The following ERBB4 variants were observed in gnomAD, a reference collection of about 807,000 sequenced individuals.
The protein encoded by ERBB4 is receptor tyrosine-protein kinase erbB-4.
A neutral mutation model predicts 158.0 loss-of-function variants in ERBB4; 42 were observed. The observed-to-expected ratio is 0.27, with a 90% CI of 0.21 to 0.34. ERBB4 has a LOEUF of 0.34. Among genes scored for constraint, ERBB4 ranks in the 10% least tolerant of loss-of-function variants. The pLI, the probability that ERBB4 is intolerant of heterozygous loss-of-function variation, is 1.00. For synonymous variants in ERBB4, 583 were observed against 558.7 expected (o/e 1.04, Z -0.61); for missense variants, 1,333 against 1,624.1 (o/e 0.82, Z 3.08).
At chr2:212,063,662 T>A (rs1244393048) in intron 2 of ERBB4, among the ~76,000 whole-genome samples, 1 of 152,078 alleles carries the variant, frequency 6.6e-6, no homozygotes, top group African/African-American at 2.4e-5. Flanking sequence ...AATTTAGGGA[T>A]GGCAAAAACA....
At chr2:212,028,184 G>C (rs1290778308) in intron 2 of ERBB4, among the ~76,000 whole-genome samples, 1 of 152,024 alleles carries the variant, frequency 6.6e-6, no homozygotes, top group Non-Finnish European at 1.5e-5. Flanking sequence ...CACATCAGTA[G>C]AAAAGTACAA....
intron 20 of ERBB4, among the ~76,000 whole-genome samples, chr2:211,493,993 A>G (rs759165775): frequency 3.3e-4 from 50 of 152,096 alleles, no homozygotes; most frequent in Non-Finnish European, 5.7e-4. Flanking sequence ...AAATACTCCC[A>G]ACATGGTCAA....
chr2:212,327,179 A>G (rs75862057), intron 1 of ERBB4, among the ~76,000 whole-genome samples: 2,211 of 151,030 alleles, frequency 0.015, 76 homozygotes, highest in African/African-American at 0.051. Flanking sequence ...TCATTAAATT[A>G]TGGCTATTAT....
intron 1 of ERBB4, chr2:212,429,188 C>T (rs1251539794): frequency 6.6e-6 from 1 of 152,176 alleles, no homozygotes; most frequent in Admixed American, 6.6e-5. Context: ...GCAGCAATGA[C>T]CTTCCCTTGA....
Position 211,596,935 on chromosome 2 carries a change from T to G in ERBB4, c.2301+22242A>C, listed in dbSNP as rs2068651035. ...GCCTGCCACCATGCCCAGCTAATCTTTTGTATTTTTAGTAGAAATGGGTTT... is the reference window on the plus strand; with the variant it reads ...GCCTGCCACCATGCCCAGCTAATCTGTTGTATTTTTAGTAGAAATGGGTTT... On this transcript the variant is annotated intron_variant, in intron 19 of 27. Transcript: ENST00000342788. Among the ~76,000 whole-genome samples the G allele has an allele frequency of 2.6e-5, 4 of 152,262 alleles. No homozygotes were observed. The South Asian group carries it at 6.2e-4, about 24-fold the overall frequency.
At chr2:211,788,732 A>G (rs1271302534) in intron 3 of ERBB4, among the ~76,000 whole-genome samples, 2 of 152,160 alleles carry the variant, frequency 1.3e-5, no homozygotes, top group African/African-American at 4.8e-5. Context: ...TATTATCCTT[A>G]GAGAGATTGT....
chr2:212,152,281 G>A (rs1008845263), intron 1 of ERBB4, among the ~76,000 whole-genome samples: 1 of 152,072 alleles, frequency 6.6e-6, no homozygotes, highest in Admixed American at 6.6e-5. Flanking sequence ...ATAAAAGGGA[G>A]TTATTAATAA....
intron 2 of ERBB4, among the ~76,000 whole-genome samples, chr2:212,022,045 G>T (rs192956575): frequency 6.6e-6 from 1 of 152,292 alleles, no homozygotes; most frequent in East Asian, 1.9e-4. Context: ...AGGTTTCAGA[G>T]AAATAGGAAT....
intron 4 of ERBB4, among the ~76,000 whole-genome samples, chr2:211,773,430 A>T (rs892221327): frequency 6.7e-6 from 1 of 150,354 alleles, no homozygotes; most frequent in Non-Finnish European, 1.5e-5. Context: ...ATTTTCAGGA[A>T]AAAGTAATAA....
At chr2:211,497,026 A>G (rs1222576037) in intron 20 of ERBB4, among the ~76,000 whole-genome samples, 2 of 152,134 alleles carry the variant, frequency 1.3e-5, no homozygotes, top group Non-Finnish European at 2.9e-5. Flanking sequence ...GTGTACCCCC[A>G]GTATGTCCCT....
intron 4 of ERBB4, among the ~76,000 whole-genome samples, chr2:211,759,800 T>G (rs1056772156): frequency 7.5e-6 from 1 of 133,826 alleles, no homozygotes; most frequent in Non-Finnish European, 1.6e-5. Context: ...GTTTTTCATT[T>G]TCTAGAGTGT....
intron 1 of ERBB4, among the ~76,000 whole-genome samples, chr2:212,202,960 T>C (rs2082631144): frequency 1.3e-5 from 2 of 151,532 alleles, no homozygotes; most frequent in African/African-American, 4.8e-5. Flanking sequence ...AATAATACTA[T>C]ACATTTATGT....
At chr2:211,674,527 G>T (rs144751991) in intron 13 of ERBB4, among the ~76,000 whole-genome samples, 1 of 152,004 alleles carries the variant, frequency 6.6e-6, no homozygotes, top group African/African-American at 2.4e-5. Flanking sequence ...GAGTTACATG[G>T]ATTATGCATT....
intron 3 of ERBB4, among the ~76,000 whole-genome samples, chr2:211,796,491 G>T (rs1342656231): frequency 6.6e-6 from 1 of 151,944 alleles, no homozygotes; most frequent in Non-Finnish European, 1.5e-5. Context: ...AAGTAGTACT[G>T]CTGGGTCATA....
intron 2 of ERBB4, among the ~76,000 whole-genome samples, chr2:212,117,347 C>A (rs11689133): frequency 0.41 from 62,826 of 151,990 alleles, 15,422 homozygotes; most frequent in Non-Finnish European, 0.55. Context: ...TTTACCCAAC[C>A]AATAGTTTCT....
chr2:212,426,005 A>G (rs2105921985), intron 1 of ERBB4, among the ~76,000 whole-genome samples: 1 of 152,148 alleles, frequency 6.6e-6, no homozygotes, highest in Middle Eastern at 3.4e-3. Context: ...TCACGTATTC[A>G]ATCATTTATC....
At chr2:211,834,929 A>T (rs1420215276) in intron 3 of ERBB4, among the ~76,000 whole-genome samples, 2 of 152,132 alleles carry the variant, frequency 1.3e-5, no homozygotes, top group African/African-American at 4.8e-5. Context: ...AGATTTTAAA[A>T]ACCTATTCAT....
At chr2:212,039,799 T>TCTCTAGGCA (rs1269449185) in intron 2 of ERBB4, among the ~76,000 whole-genome samples, 3 of 152,022 alleles carry the variant, frequency 2.0e-5, no homozygotes, top group Non-Finnish European at 2.9e-5. Context: ...CCTGTGCTTC[T>TCTCTAGGCA]TCTCCTAGAG....
intron 1 of ERBB4, among the ~76,000 whole-genome samples, chr2:212,311,649 C>T (rs1045749559): frequency 6.6e-6 from 1 of 150,964 alleles, no homozygotes; most frequent in African/African-American, 2.4e-5. Context: ...ATGCATCCAC[C>T]TCTCCTCAAG....
Sources: allele counts gnomAD v4.1 joint callset (sites outside exome capture counted in the v4.1 genomes callset), GRCh38; gene constraint gnomAD v4.1.1; transcripts MANE v1.5; gene names NCBI Gene and HGNC (gene_info 2026-07-23, HGNC 2026-07-21).